CRPPA: variants seen among roughly 807,000 people sequenced by gnomAD.
CRPPA encodes the protein D-ribitol-5-phosphate cytidylyltransferase.
CRPPA carries 43 observed loss-of-function variants against 52.0 expected under a neutral mutation model. The ratio of observed to expected loss-of-function variants is 0.83; its 90% confidence interval spans 0.65 to 1.07. The LOEUF (loss-of-function observed/expected upper bound fraction) is 1.07, where lower values mean the gene tolerates loss of function less well. Among genes scored for constraint, CRPPA ranks in the 50% least tolerant of loss-of-function variants. CRPPA has a pLI of 0.00. For missense variants in CRPPA, 629 were observed against 551.7 expected (o/e 1.14, Z -1.40); for synonymous variants, 250 against 203.5 (o/e 1.23, Z -1.94).
intron 3 of CRPPA, among the ~76,000 whole-genome samples, chr7:16,363,817 T>C (rs1026856685): frequency 6.6e-6 from 1 of 151,806 alleles, no homozygotes; most frequent in Non-Finnish European, 1.5e-5. Context: ...ATCATGGGAG[T>C]AGAAAACTTA....
At chr7:16,303,614 A>T (rs1305133204) in intron 4 of CRPPA, among the ~76,000 whole-genome samples, 1 of 151,988 alleles carries the variant, frequency 6.6e-6, no homozygotes, top group African/African-American at 2.4e-5. Flanking sequence ...TTCAAAGATA[A>T]TAGAATGTTT....
At chr7:16,216,465 G>C (rs536079133) in intron 8 of CRPPA, 24 of 312,842 alleles carry the variant, frequency 7.7e-5, no homozygotes, top group Non-Finnish European at 1.3e-4. Context: ...GAACAGCTCC[G>C]GTCTACAGCT....
In CRPPA at chr7:16,363,922, T is replaced by C. The variant is rs140438558; in HGVS notation, c.684+12170A>G. ...AAATACTGTAAGAGCAAATGTCAGT[T>C]AGAAAACATGATAGAAAATAACATA... On this transcript the variant is annotated intron_variant, in intron 3 of 9. Coordinates refer to ENST00000407010, the MANE Select transcript of CRPPA (RefSeq NM_001101426.4). Among the ~76,000 whole-genome samples, 564 of 152,288 alleles carry C rather than the reference T, an allele frequency of 3.7e-3. 1 individual carries two copies. Among genetic ancestry groups the C allele is most frequent in the Non-Finnish European group, 6.7e-3 (453 of 68,002 alleles).
chr7:16,089,419 A>G lies in CRPPA; in HGVS notation c.*2276T>C, dbSNP rs117664754. 3.9e-3 allele frequency: 1,313 copies of G among 339,372 alleles called. 39 individuals are homozygous for G. Among genetic ancestry groups the G allele is most frequent in the African/African-American group, 0.018 (825 of 46,710 alleles). The allele number at this position is 339,372 out of a possible 1,614,324, so 21.0% of individuals were successfully genotyped here. ...GTACATAATGTGTATATATGTACGT[A>G]CATACATATATGTGTATATATGTAC... On this transcript the variant is annotated 3_prime_UTR_variant, in exon 10 of 10. Coordinates refer to ENST00000407010, the MANE Select transcript of CRPPA (RefSeq NM_001101426.4).
chr7:16,326,943 C>T (rs1188394361), intron 3 of CRPPA, among the ~76,000 whole-genome samples: 1 of 152,164 alleles, frequency 6.6e-6, no homozygotes. Flanking sequence ...TACTCCTTTT[C>T]TGGCTGTCCT....
At chr7:16,382,821 G>A (rs192573267) in intron 2 of CRPPA, among the ~76,000 whole-genome samples, 3,163 of 152,032 alleles carry the variant, frequency 0.021, 110 homozygotes, top group African/African-American at 0.073. Flanking sequence ...CGTAGTTCTC[G>A]AGCCTTGGCT....
intron 9 of CRPPA, among the ~76,000 whole-genome samples, chr7:16,148,135 TTACATA>T (rs1783009311): frequency 6.6e-6 from 1 of 152,174 alleles, no homozygotes; most frequent in Non-Finnish European, 1.5e-5. Flanking sequence ...AAAAATTGTT[TTACATA>T]TAAACAAACA....
rs1787948834 is a variant in CRPPA at position 16,406,178 on chromosome 7, T to C, written c.417A>G (p.Glu139=). Residue 139 remains glutamate (E), a synonymous_variant, in exon 2 of 10, where the codon GAA becomes GAG. Coordinates refer to ENST00000407010, the MANE Select transcript of CRPPA (RefSeq NM_001101426.4). ...SIFNGLKALA[E]DQINSKLSKP... The stretch of plus-strand genomic sequence containing the variant: ...TAGAGAGTTTAGAGTTGATCTGATC[T>C]TCTGCCAGTGCTTTTAGTCCATTGA... The C allele has an allele frequency of 6.2e-7, 1 of 1,613,880 alleles. No homozygotes were observed. The highest frequency in any genetic ancestry group is 8.5e-7 in the Non-Finnish European group (1 of 1,179,888).
intron 2 of CRPPA, among the ~76,000 whole-genome samples, chr7:16,377,814 C>A (rs957260920): frequency 2.0e-5 from 3 of 152,164 alleles, no homozygotes; most frequent in African/African-American, 7.2e-5. Flanking sequence ...ATTTCCTATG[C>A]CCCTCAGCAC....
At chr7:16,231,979 T>C (rs1782809731) in intron 8 of CRPPA, among the ~76,000 whole-genome samples, 1 of 152,120 alleles carries the variant, frequency 6.6e-6, no homozygotes, top group African/African-American at 2.4e-5. Flanking sequence ...GAGATGAAGT[T>C]AAGAATCTGG....
chr7:16,331,594 G>T (rs1373810145), intron 3 of CRPPA, among the ~76,000 whole-genome samples: 1 of 152,134 alleles, frequency 6.6e-6, no homozygotes, highest in African/African-American at 2.4e-5. Context: ...TACATACAAA[G>T]GATTCCAGTA....
At chr7:16,224,416 T>C (rs576408046) in intron 8 of CRPPA, among the ~76,000 whole-genome samples, 1 of 152,242 alleles carries the variant, frequency 6.6e-6, no homozygotes, top group African/African-American at 2.4e-5. Flanking sequence ...ATAAAAGGCA[T>C]GCGAAGGGAG....
intron 3 of CRPPA, among the ~76,000 whole-genome samples, chr7:16,311,774 T>G (rs1785039586): frequency 6.6e-6 from 1 of 152,150 alleles, no homozygotes; most frequent in South Asian, 2.1e-4. Flanking sequence ...CTGATCCATT[T>G]TGAGTTAATG....
chr7:16,421,040 G>A (rs1022405192), intron 1 of CRPPA, 26 bp downstream of exon 1: 3 of 1,263,800 alleles, frequency 2.4e-6, no homozygotes, highest in Non-Finnish European at 3.0e-6. Flanking sequence ...CCAGGGAACC[G>A]CGGGGCGCGC....
intron 9 of CRPPA, among the ~76,000 whole-genome samples, chr7:16,193,598 A>C (rs536201711): frequency 6.6e-6 from 1 of 152,118 alleles, no homozygotes. Flanking sequence ...TGCTCATATA[A>C]GCTTGGGAAG....
intron 8 of CRPPA, among the ~76,000 whole-genome samples, chr7:16,217,184 G>C (rs1183436531): frequency 6.9e-6 from 1 of 144,788 alleles, no homozygotes. Flanking sequence ...GGGGCACACT[G>C]ACACCTCACA....
intron 6 of CRPPA, among the ~76,000 whole-genome samples, chr7:16,262,356 T>C (rs1348317634): frequency 6.6e-6 from 1 of 152,204 alleles, no homozygotes; most frequent in East Asian, 1.9e-4. Context: ...ACTTGCTGTA[T>C]TGTTTCTCTA....
intron 8 of CRPPA, among the ~76,000 whole-genome samples, chr7:16,255,716 G>C (rs1001029434): frequency 6.6e-6 from 1 of 152,130 alleles, no homozygotes; most frequent in African/African-American, 2.4e-5. Context: ...TTAATAAGTG[G>C]TGCTGGGAAA....
chr7:16,247,488 T>C (rs1291709740), intron 8 of CRPPA, among the ~76,000 whole-genome samples: 1 of 152,196 alleles, frequency 6.6e-6, no homozygotes, highest in Non-Finnish European at 1.5e-5. Flanking sequence ...TGCCACCTTA[T>C]ACAGATATGA....
Sources: gnomAD v4.1 joint callset for allele counts (sites outside exome capture counted in the v4.1 genomes callset) on GRCh38, gnomAD v4.1.1 for gene constraint, MANE v1.5 for transcripts, NCBI Gene and HGNC (gene_info 2026-07-23, HGNC 2026-07-21) for gene names.